Variants in VAPA observed in about 807,000 individuals in gnomAD.
The protein encoded by VAPA is vesicle-associated membrane protein-associated protein A.
A neutral mutation model predicts 25.6 loss-of-function variants in VAPA; 6 were observed. The observed-to-expected ratio is 0.23, with a 90% confidence interval of 0.13 to 0.46. The LOEUF (loss-of-function observed/expected upper bound fraction) is 0.46, where lower values mean the gene tolerates loss of function less well. Among genes scored for constraint, VAPA ranks in the 20% least tolerant of loss-of-function variants. The pLI, the probability that VAPA is intolerant of heterozygous loss-of-function variation, is 0.99. For synonymous variants in VAPA, 112 were observed against 106.2 expected (o/e 1.05, Z -0.34); for missense variants, 244 against 302.1 (o/e 0.81, Z 1.43).
In VAPA at chr18:9,956,404, T is replaced by G. The variant is rs1402364973; in HGVS notation, c.*2193T>G. On this transcript the variant is annotated 3_prime_UTR_variant, in exon 6 of 6. Transcript: ENST00000400000. The stretch of plus-strand genomic sequence containing the variant: ...TGTTGAATAGTTTGGTTATAGTGTT[T>G]AGGCTAGAAATGCCTCCCACATTGG... 1 of 152,314 alleles carries G rather than the reference T, an allele frequency of 6.6e-6. No homozygotes were observed. Among genetic ancestry groups the G allele is most frequent in the African/African-American group, 2.4e-5 (1 of 41,470 alleles). 9.4% of individuals were successfully genotyped at this position (152,314 alleles called of 1,614,324 possible). A position where few individuals can be genotyped will look rare whatever the true frequency, so the allele number is the denominator to read the frequency against.
intron 4 of VAPA, among the ~76,000 whole-genome samples, chr18:9,945,943 T>C (rs1313011273): frequency 2.0e-5 from 3 of 152,234 alleles, no homozygotes; most frequent in Non-Finnish European, 4.4e-5. Context: ...CTCTTGACTT[T>C]AGCCTTTTAA....
intron 4 of VAPA, chr18:9,949,734 C>CA (rs1354007187): frequency 6.6e-6 from 1 of 152,214 alleles, no homozygotes; most frequent in Non-Finnish European, 1.5e-5. Context: ...TAGGTGCTGT[C>CA]ATAGATATTT....
intron 4 of VAPA, among the ~76,000 whole-genome samples, chr18:9,947,221 T>A (rs1308391198): frequency 9.3e-4 from 1 of 1,080 alleles, no homozygotes; most frequent in Non-Finnish European, 6.0e-3. Context: ...ATAAAAAGCA[T>A]AACAGTAAAT....
At chr18:9,945,943 T>A (rs1313011273) in intron 4 of VAPA, among the ~76,000 whole-genome samples, 1 of 152,234 alleles carries the variant, frequency 6.6e-6, no homozygotes, top group African/African-American at 2.4e-5. Flanking sequence ...CTCTTGACTT[T>A]AGCCTTTTAA....
chr18:9,917,588 G>A (rs2069122413), intron 1 of VAPA, among the ~76,000 whole-genome samples: 2 of 152,246 alleles, frequency 1.3e-5, no homozygotes, highest in South Asian at 2.1e-4. Flanking sequence ...ACCCCTATTA[G>A]CAGTTTTGTA....
At chr18:9,940,709 A>C (rs1309829637) in intron 4 of VAPA, among the ~76,000 whole-genome samples, 1 of 152,210 alleles carries the variant, frequency 6.6e-6, no homozygotes, top group Non-Finnish European at 1.5e-5. Context: ...AATTACAGCA[A>C]TACATAAATA....
At chr18:9,919,722 G>C (rs760872998) in intron 1 of VAPA, among the ~76,000 whole-genome samples, 2 of 152,164 alleles carry the variant, frequency 1.3e-5, no homozygotes, top group Admixed American at 1.3e-4. Context: ...ATGTAGTGCT[G>C]GTTTAGTAGG....
Position 9,916,922 on chromosome 18 carries a change from T to A in VAPA, c.79+2587T>A, listed in dbSNP as rs1467774717. Among the ~76,000 whole-genome samples the A allele has an allele frequency of 2.0e-5, 3 of 152,360 alleles. No individual in the cohort carries two copies. The East Asian group carries it at 5.8e-4, about 29-fold the overall frequency. ...TTCTGAGATTGGATGGTTTTTCTTT[T>A]ATACACCTAACAAGCATCTTGAAGA... On this transcript the variant is annotated intron_variant, in intron 1 of 5. Transcript: ENST00000400000.
chr18:9,914,975 C>T (rs1204060505), intron 1 of VAPA: 2 of 151,530 alleles, frequency 1.3e-5, no homozygotes, highest in East Asian at 3.9e-4. Context: ...AGGTTTAGAA[C>T]TCGGCCGTCA....
intron 5 of VAPA, among the ~76,000 whole-genome samples, chr18:9,951,868 TTGA>T (rs1228826036): frequency 6.6e-6 from 1 of 152,236 alleles, no homozygotes; most frequent in East Asian, 1.9e-4. Flanking sequence ...CTCTTCATGC[TTGA>T]TGTTTCATAG....
intron 2 of VAPA, among the ~76,000 whole-genome samples, chr18:9,934,008 C>A (rs970562322): frequency 6.6e-6 from 1 of 152,214 alleles, no homozygotes; most frequent in African/African-American, 2.4e-5. Flanking sequence ...AAAACACTTT[C>A]TCCCACAGAA....
chr18:9,916,456 G>T (rs1469169659), intron 1 of VAPA, among the ~76,000 whole-genome samples: 2 of 152,306 alleles, frequency 1.3e-5, no homozygotes, highest in East Asian at 3.9e-4. Flanking sequence ...TTCATTTCAG[G>T]GGAGGTTTAG....
At chr18:9,943,841 C>T (rs1419757969) in intron 4 of VAPA, among the ~76,000 whole-genome samples, 106 of 51,762 alleles carry the variant, frequency 2.0e-3, no homozygotes, top group Middle Eastern at 0.016. Flanking sequence ...ACATATTTCC[C>T]TTTTTTTTTT....
At chr18:9,947,058 CTG>C (rs2069432535) in intron 4 of VAPA, among the ~76,000 whole-genome samples, 2 of 152,210 alleles carry the variant, frequency 1.3e-5, no homozygotes, top group African/African-American at 2.4e-5. Context: ...TCCTGTCTCA[CTG>C]TAATGTCTTC....
chr18:9,927,104 T>C (rs1403840357), intron 1 of VAPA, among the ~76,000 whole-genome samples: 1 of 152,184 alleles, frequency 6.6e-6, no homozygotes, highest in Non-Finnish European at 1.5e-5. Context: ...AGAAAACAAA[T>C]ACTAAAGTTG....
At chr18:9,920,656 A>T (rs1017031200) in intron 1 of VAPA, among the ~76,000 whole-genome samples, 1 of 152,196 alleles carries the variant, frequency 6.6e-6, no homozygotes, top group Admixed American at 6.5e-5. Context: ...TACGCTTTGG[A>T]AAAAGGAGGC....
At chr18:9,938,808 A>G (rs1345067578) in intron 4 of VAPA, among the ~76,000 whole-genome samples, 2 of 152,236 alleles carry the variant, frequency 1.3e-5, no homozygotes, top group Non-Finnish European at 2.9e-5. Context: ...AGAAGCACCT[A>G]GAAGAGTAGG....
At chr18:9,932,888 C>T (rs555921092) in intron 2 of VAPA, among the ~76,000 whole-genome samples, 1 of 152,050 alleles carries the variant, frequency 6.6e-6, no homozygotes, top group African/African-American at 2.4e-5. Context: ...GCGGGTGGAT[C>T]ACGACGTCAG....
chr18:9,941,050 A>G (rs1209334011), intron 4 of VAPA, among the ~76,000 whole-genome samples: 3 of 152,230 alleles, frequency 2.0e-5, no homozygotes, highest in African/African-American at 7.2e-5. Context: ...TCCAAGAGGA[A>G]TCACATTGCG....
Sources: gnomAD v4.1 joint callset for allele counts (sites outside exome capture counted in the v4.1 genomes callset) on GRCh38, gnomAD v4.1.1 for gene constraint, MANE v1.5 for transcripts, NCBI Gene and HGNC (gene_info 2026-07-23, HGNC 2026-07-21) for gene names.